PIGU: variants seen among roughly 807,000 people sequenced by gnomAD.
PIGU encodes GPI-anchor transamidase component PIGU.
PIGU carries 24 observed loss-of-function variants against 49.9 expected under a neutral mutation model. The observed-to-expected ratio is 0.48, with a 90% CI of 0.35 to 0.68. The LOEUF is 0.68. PIGU is among the 30% of genes least tolerant of loss of function. PIGU has a pLI of 0.01. For synonymous variants in PIGU, 220 were observed against 205.7 expected, an observed-to-expected ratio of 1.07 and a Z score of -0.59; for missense variants, 490 against 532.6, an observed-to-expected ratio of 0.92 and a Z score of 0.79.
intron 1 of PIGU, among the ~76,000 whole-genome samples, chr20:34,668,687 T>A (rs1279622097): frequency 1.3e-5 from 2 of 150,196 alleles, no homozygotes; most frequent in African/African-American, 4.9e-5. Flanking sequence ...GAGAATGGCA[T>A]GAAACCGGAA....
At chr20:34,634,776 A>G in intron 5 of PIGU, 61 bp from the exon 6 acceptor site, 1 of 1,577,728 alleles carries the variant, frequency 6.3e-7, no homozygotes, top group Non-Finnish European at 8.6e-7. Context: ...TCGCCATTAC[A>G]GCAAGGAAGT....
Position 34,590,993 on chromosome 20 carries a change from C to T in PIGU, c.628-2386G>A, listed in dbSNP as rs1443395469. 2.0e-5 allele frequency among the ~76,000 whole-genome samples: 3 copies of T among 151,166 alleles called. No individual in the cohort carries two copies. The Admixed American group carries it at 2.0e-4, about 10-fold the overall frequency. On this transcript the variant is annotated intron_variant, in intron 7 of 11. Transcript: ENST00000217446. ...CCGAGATTGCACCACTGCACTCCAG[C>T]CTGGGCGACAGAGCGAGACTCCGTC...
At chr20:34,651,842 A>C (rs1335050374) in intron 2 of PIGU, among the ~76,000 whole-genome samples, 1 of 152,062 alleles carries the variant, frequency 6.6e-6, no homozygotes, top group Non-Finnish European at 1.5e-5. Flanking sequence ...GGTGGCTCAC[A>C]CCTGCAATCA....
chr20:34,570,890 G>T (rs143034299), intron 11 of PIGU, among the ~76,000 whole-genome samples: 30 of 151,984 alleles, frequency 2.0e-4, no homozygotes, highest in African/African-American at 7.2e-4. Context: ...AAAATAAAAG[G>T]GTTAAAAAAA....
chr20:34,634,520 A>T (rs1455717237), intron 6 of PIGU, 95 bp downstream of exon 6: 6 of 1,413,118 alleles, frequency 4.2e-6, no homozygotes, highest in Non-Finnish European at 5.6e-6. Context: ...TAAGTGTTGC[A>T]TTAAAAAAAA....
chr20:34,652,902 C>T (rs1013899891), intron 2 of PIGU, among the ~76,000 whole-genome samples: 1 of 150,704 alleles, frequency 6.6e-6, no homozygotes, highest in African/African-American at 2.4e-5. Flanking sequence ...GTTCCGTGTA[C>T]ATTTGAAAAA....
rs1017380941 is a variant in PIGU at position 34,656,033 on chromosome 20, G to A, written c.195+1147C>T. ...CTGTGGCCCAGGCTGGAGTGCAATG[G>A]TGCAGTCTCGGCTCACTGCAAACTC... On this transcript the variant is annotated intron_variant, in intron 2 of 11. Coordinates refer to ENST00000217446, the MANE Select transcript of PIGU (RefSeq NM_080476.5). Among the ~76,000 whole-genome samples, 5 of 102,448 alleles carry A rather than the reference G, an allele frequency of 4.9e-5. 1 individual carries two copies. Among genetic ancestry groups the A allele is most frequent in the African/African-American group, 1.9e-4 (5 of 26,050 alleles). 67.2% of individuals were successfully genotyped at this position (102,448 alleles called of 152,430 possible). A position where few individuals can be genotyped will look rare whatever the true frequency, so the allele number is the denominator to read the frequency against.
At chr20:34,657,051 C>A in intron 2 of PIGU, 129 bp downstream of exon 2, 1 of 696,940 alleles carries the variant, frequency 1.4e-6, no homozygotes, top group Non-Finnish European at 2.4e-6. Flanking sequence ...CATCTAAAAA[C>A]GGGCTGTTTC....
chr20:34,650,792 C>A (rs1219247438), intron 2 of PIGU, among the ~76,000 whole-genome samples: 1 of 129,914 alleles, frequency 7.7e-6, no homozygotes, highest in Non-Finnish European at 1.6e-5. Context: ...TGGCTCACTG[C>A]AACCTCTGTC....
intron 4 of PIGU, among the ~76,000 whole-genome samples, chr20:34,641,727 G>A (rs1302437710): frequency 1.3e-5 from 2 of 152,062 alleles, no homozygotes; most frequent in South Asian, 2.1e-4. Flanking sequence ...CAGACTATGC[G>A]ATATGAACCC....
rs1986684348 is a variant in PIGU, at chr20:34,655,965, ATTCT to A, written c.195+1211_195+1214del. Among the ~76,000 whole-genome samples, 2 of 102,528 alleles carry A rather than the reference ATTCT, an allele frequency of 2.0e-5. 1 individual carries two copies. 67.3% of individuals were successfully genotyped at this position (102,528 alleles called of 152,430 possible). On this transcript the variant is annotated intron_variant, in intron 2 of 11. Transcript: ENST00000217446. ...GGACCTAATTAAGAGTGTTTTCACT[ATTCT>A]TTTTTTTTTTTTTTTTTTTTTTGAG...
rs757741421 is a variant in PIGU, at chr20:34,581,627, G to A, written c.972C>T (p.Ala324=). ...FFMFIQIAVI[A]IFKSYPTVGD... ...CCACTGTCGGGTAGGACTTAAAGAT[G>A]GCGATGACAGCGATCTGGATAAACA... is the stretch of plus-strand genomic sequence containing the variant. Residue 324 remains alanine, a synonymous_variant, in exon 10 of 12, where the codon GCC becomes GCT. Coordinates refer to ENST00000217446, the MANE Select transcript of PIGU (RefSeq NM_080476.5). The A allele has an allele frequency of 2.3e-5, 37 of 1,613,864 alleles. No individual in the cohort carries two copies. The highest frequency in any genetic ancestry group is 2.9e-5 in the Non-Finnish European group (34 of 1,179,906).
chr20:34,664,763 G>A (rs1224797556), intron 1 of PIGU, among the ~76,000 whole-genome samples: 1 of 152,132 alleles, frequency 6.6e-6, no homozygotes, highest in Admixed American at 6.6e-5. Context: ...GCCAAGGAGG[G>A]TATATCGCTT....
At chr20:34,589,750 G>A (rs1983877825) in intron 7 of PIGU, among the ~76,000 whole-genome samples, 2 of 149,204 alleles carry the variant, frequency 1.3e-5, no homozygotes, top group Admixed American at 6.7e-5. Context: ...CCACCTCCCG[G>A]GTTCAAGGGA....
chr20:34,622,390 G>A (rs912403877), intron 6 of PIGU, among the ~76,000 whole-genome samples: 6 of 151,852 alleles, frequency 4.0e-5, no homozygotes, highest in Admixed American at 6.6e-5. Flanking sequence ...GGTGGCGGGC[G>A]CATGTAGTCC....
chr20:34,631,061 T>C (rs917056363), intron 6 of PIGU, among the ~76,000 whole-genome samples: 5 of 151,882 alleles, frequency 3.3e-5, no homozygotes, highest in Non-Finnish European at 7.4e-5. Flanking sequence ...AAAGAGACTA[T>C]GCTTGGAACA....
intron 7 of PIGU, among the ~76,000 whole-genome samples, chr20:34,597,414 G>C (rs189838619): frequency 1.5e-4 from 23 of 152,156 alleles, no homozygotes; most frequent in Non-Finnish European, 3.4e-4. Context: ...TTTTAGAATA[G>C]GCCAAACTAA....
At chr20:34,651,514 C>T (rs905264731) in intron 2 of PIGU, among the ~76,000 whole-genome samples, 1 of 152,180 alleles carries the variant, frequency 6.6e-6, no homozygotes, top group East Asian at 1.9e-4. Context: ...CAATGCCTTC[C>T]AGCAGATGTG....
Position 34,608,534 on chromosome 20 carries a change from G to T in PIGU, c.627+7508C>A, listed in dbSNP as rs116400128. ...TTTGAGGACTATTTTGCTTTTTTTT[G>T]TTGTTGTAACAAGATGTCCCAGTCA... On this transcript the variant is annotated intron_variant, in intron 7 of 11. Transcript: ENST00000217446. 9.7e-3 allele frequency among the ~76,000 whole-genome samples: 1,478 copies of T among 151,590 alleles called. 28 individuals are homozygous for T. Among genetic ancestry groups the T allele is most frequent in the African/African-American group, 0.034 (1,421 of 41,302 alleles).
Sources: gnomAD v4.1 joint callset for allele counts (sites outside exome capture counted in the v4.1 genomes callset) on GRCh38, gnomAD v4.1.1 for gene constraint, MANE v1.5 for transcripts, NCBI Gene and HGNC (gene_info 2026-07-23, HGNC 2026-07-21) for gene names.